The following MAD1L1 variants were observed in gnomAD, a reference collection of about 807,000 sequenced individuals.
MAD1L1 encodes the protein mitotic spindle assembly checkpoint protein MAD1.
MAD1L1 carries 95 observed loss-of-function variants against 96.9 expected under a neutral mutation model. The observed-to-expected ratio is 0.98, with a 90% confidence interval of 0.83 to 1.16. The LOEUF (loss-of-function observed/expected upper bound fraction) is 1.16. Ranked by LOEUF, MAD1L1 falls within the 50% of genes most tolerant of loss-of-function variation. The probability of loss-of-function intolerance (pLI) is 0.00; values close to 1 mark genes in which losing one functional copy is unlikely to be tolerated. For synonymous variants in MAD1L1, 473 were observed against 396.6 expected (o/e 1.19, Z -2.29); for missense variants, 1,007 against 954.4 (o/e 1.06, Z -0.73).
chr7:1,820,463 C>T (rs2128620059), intron 18 of MAD1L1, among the ~76,000 whole-genome samples: 1 of 149,194 alleles, frequency 6.7e-6, no homozygotes, highest in African/African-American at 2.4e-5. Context: ...AAAACTGCTT[C>T]TTTAAAAAAT....
intron 10 of MAD1L1, among the ~76,000 whole-genome samples, chr7:2,183,431 T>C (rs1374825610): frequency 6.6e-6 from 1 of 152,120 alleles, no homozygotes; most frequent in Admixed American, 6.6e-5. Flanking sequence ...GAACAGACAC[T>C]TCCCAAGGAA....
chr7:2,222,423 A>C (rs1266666546), intron 5 of MAD1L1, 152 bp downstream of exon 5: 38 of 589,850 alleles, frequency 6.4e-5, no homozygotes, highest in Non-Finnish European at 9.7e-5. Flanking sequence ...ATGGAAAATT[A>C]ATACTTCTAC....
chr7:2,037,543 G>A lies in MAD1L1; in HGVS notation c.1219-22901C>T, dbSNP rs547700202. ...ATCACTATTATATCTGTTGTGGTCT[G>A]TAATGGGTGGTCTCTGATCTTACTA... is the stretch of plus-strand genomic sequence containing the variant. On this transcript the variant is annotated intron_variant, in intron 12 of 18. Coordinates refer to ENST00000265854, the MANE Select transcript of MAD1L1 (RefSeq NM_001013836.2). Among the ~76,000 whole-genome samples the A allele has an allele frequency of 3.9e-5, 6 of 152,336 alleles. No homozygotes were observed. The South Asian group carries it at 1.2e-3, about 32-fold the overall frequency.
chr7:2,159,676 C>T (rs1244767040), intron 10 of MAD1L1, among the ~76,000 whole-genome samples: 1 of 152,110 alleles, frequency 6.6e-6, no homozygotes, highest in African/African-American at 2.4e-5. Context: ...AGTAACTATC[C>T]GACTAAATGC....
At position 1,914,880 on chromosome 7, in the gene MAD1L1, T is replaced by C. The variant is rs910774664; in HGVS notation, c.1808-16490A>G. 3.3e-5 allele frequency among the ~76,000 whole-genome samples: 5 copies of C among 152,308 alleles called. 1 individual carries two copies. The highest frequency in any genetic ancestry group is 4.1e-4 in the South Asian group (2 of 4,828). On this transcript the variant is annotated intron_variant, in intron 17 of 18. Transcript: ENST00000265854. ...CCCTGTACCTGGGCCTCCCAAAGCG[T>C]TGGGATGACAGGCATGAGTGCCGCG...
At chr7:2,152,651 G>C (rs1209889920) in intron 10 of MAD1L1, among the ~76,000 whole-genome samples, 1 of 152,150 alleles carries the variant, frequency 6.6e-6, no homozygotes, top group Non-Finnish European at 1.5e-5. Context: ...CTGGGTCTCA[G>C]CCCCAGCCCT....
chr7:2,152,003 C>G (rs1789596568), intron 10 of MAD1L1, among the ~76,000 whole-genome samples: 1 of 144,596 alleles, frequency 6.9e-6, no homozygotes, highest in Non-Finnish European at 1.5e-5. Flanking sequence ...CCCACCGACT[C>G]TGCAGGAGGC....
chr7:1,909,541 C>T (rs537254740), intron 17 of MAD1L1, among the ~76,000 whole-genome samples: 6 of 152,298 alleles, frequency 3.9e-5, no homozygotes, highest in Admixed American at 2.0e-4. Flanking sequence ...GAGGTGGGGA[C>T]GCACCTGTAG....
rs564976948 is a variant in MAD1L1 at position 1,903,571 on chromosome 7, A to G, written c.1808-5181T>C. Reference sequence around the variant, plus strand: ...TTGCAGAATTCATGATTGATGAAGCACTGTTCCAGGCAGCGAGCACGCAGT... The same window carrying G: ...TTGCAGAATTCATGATTGATGAAGCGCTGTTCCAGGCAGCGAGCACGCAGT... On this transcript the variant is annotated intron_variant, in intron 17 of 18. Transcript: ENST00000265854. Among the ~76,000 whole-genome samples, 204 of 143,718 alleles carry G rather than the reference A, an allele frequency of 1.4e-3. 2 individuals are homozygous for G. The highest frequency in any genetic ancestry group is 6.9e-3 in the Middle Eastern group (2 of 288). The allele number at this position is 143,718 out of a possible 152,430, so 94.3% of individuals were successfully genotyped here.
At chr7:1,846,864 C>G in intron 18 of MAD1L1, 1 of 233,386 alleles carries the variant, frequency 4.3e-6, no homozygotes. Flanking sequence ...TTTTCCATTT[C>G]ATCAGCACCC....
intron 18 of MAD1L1, among the ~76,000 whole-genome samples, chr7:1,871,901 G>A (rs941012088): frequency 6.6e-6 from 1 of 152,224 alleles, no homozygotes; most frequent in Non-Finnish European, 1.5e-5. Context: ...ACACTTGGGG[G>A]TGGAGGAGAT....
At chr7:2,042,221 GCACA>G (rs144250944) in intron 12 of MAD1L1, among the ~76,000 whole-genome samples, 52,680 of 149,942 alleles carry the variant, frequency 0.35, 10,073 homozygotes, top group African/African-American at 0.52. Flanking sequence ...ACACAGACGT[GCACA>G]CACAAGCGCA....
At chr7:2,165,347 T>C (rs1467543618) in intron 10 of MAD1L1, among the ~76,000 whole-genome samples, 1 of 152,226 alleles carries the variant, frequency 6.6e-6, no homozygotes, top group African/African-American at 2.4e-5. Context: ...AAGTGTGTTA[T>C]CTGGACGAGT....
chr7:1,938,012 G>A (rs1361286411), intron 16 of MAD1L1, among the ~76,000 whole-genome samples: 1 of 888 alleles, frequency 1.1e-3, no homozygotes, highest in Non-Finnish European at 3.0e-3. Context: ...GGGTCACTGC[G>A]CACCCGAGAC....
At chr7:2,080,234 C>T (rs34903893) in intron 11 of MAD1L1, among the ~76,000 whole-genome samples, 27,568 of 152,274 alleles carry the variant, frequency 0.18, 2,946 homozygotes, top group Middle Eastern at 0.33. Flanking sequence ...CTTACGGCTG[C>T]TTTCCTGTGA....
chr7:2,070,282 G>C (rs1335465326), intron 11 of MAD1L1, among the ~76,000 whole-genome samples: 1 of 152,210 alleles, frequency 6.6e-6, no homozygotes, highest in Non-Finnish European at 1.5e-5. Context: ...GGGAACCCCA[G>C]GACTCCACCT....
At chr7:2,042,882 TGTCCACGTCCAC>T (rs58264394) in intron 12 of MAD1L1, among the ~76,000 whole-genome samples, 16,127 of 151,204 alleles carry the variant, frequency 0.11, 1,608 homozygotes, top group African/African-American at 0.25. Flanking sequence ...CGCACACACA[TGTCCACGTCCAC>T]GTCCACGTCC....
At chr7:2,169,346 T>G (rs1366597874) in intron 10 of MAD1L1, among the ~76,000 whole-genome samples, 1 of 152,212 alleles carries the variant, frequency 6.6e-6, no homozygotes, top group Non-Finnish European at 1.5e-5. Flanking sequence ...TTCCCTACTT[T>G]GTAAAGAACA....
At chr7:1,867,007 C>T (rs2128651944) in intron 18 of MAD1L1, among the ~76,000 whole-genome samples, 1 of 152,294 alleles carries the variant, frequency 6.6e-6, no homozygotes, top group South Asian at 2.1e-4. Flanking sequence ...CACTACAGGG[C>T]CCGCTGGGCT....
Sources: gnomAD v4.1 joint callset for allele counts (sites outside exome capture counted in the v4.1 genomes callset) on GRCh38, gnomAD v4.1.1 for gene constraint, MANE v1.5 for transcripts, NCBI Gene and HGNC (gene_info 2026-07-23, HGNC 2026-07-21) for gene names.